GNB1: variants seen among roughly 807,000 people sequenced by gnomAD.
The protein encoded by GNB1 is G protein subunit beta 1.
Under a neutral mutation model 42.9 loss-of-function variants are expected in GNB1, and 2 were observed. The observed-to-expected ratio is 0.05, with a 90% CI of 0.02 to 0.15. GNB1 has a LOEUF of 0.15. Ranked by LOEUF, GNB1 falls within the 10% of genes least tolerant of loss-of-function variation. GNB1 has a pLI of 1.00. For missense variants in GNB1, 193 were observed against 462.2 expected, an observed-to-expected ratio of 0.42 and a Z score of 5.34; for synonymous variants, 183 against 174.7, an observed-to-expected ratio of 1.05 and a Z score of -0.38.
At chr1:1,884,398 G>C (rs1650031411) in intron 1 of GNB1, among the ~76,000 whole-genome samples, 1 of 152,068 alleles carries the variant, frequency 6.6e-6, no homozygotes, top group African/African-American at 2.4e-5. Context: ...TTTCAGTAGA[G>C]ACAGGGTTTC....
At chr1:1,853,144 T>C (rs1648083350) in intron 1 of GNB1, among the ~76,000 whole-genome samples, 2 of 152,152 alleles carry the variant, frequency 1.3e-5, no homozygotes, top group African/African-American at 4.8e-5. Flanking sequence ...AGCCTCTTGA[T>C]GGCTTACCAT....
chr1:1,876,793 T>C, intron 1 of GNB1, among the ~76,000 whole-genome samples: 1 of 152,124 alleles, frequency 6.6e-6, no homozygotes, highest in East Asian at 1.9e-4. Flanking sequence ...TGTCATTCAG[T>C]CCTCACAACA....
rs116790119 is a variant in GNB1, at chr1:1,863,692, T to G, written c.-95-24454A>C. ...TTGAGATCTTCTCCTTCCAAGGTTC[T>G]TTTAGTGAGCAAACACCCAAATTTC... is the stretch of plus-strand genomic sequence containing the variant. On this transcript the variant is annotated intron_variant, in intron 1 of 11. Transcript: ENST00000378609. 8.3e-3 allele frequency among the ~76,000 whole-genome samples: 1,265 copies of G among 152,338 alleles called. 22 individuals are homozygous for G. Among genetic ancestry groups the G allele is most frequent in the African/African-American group, 0.029 (1,216 of 41,572 alleles).
chr1:1,838,032 G>A lies in GNB1; in HGVS notation c.-47+1158C>T, dbSNP rs186580556. ...AGCCTGACCAACATGGTGAAACCCC[G>A]TCTCTACTAAAAATACAAAAATTAG... is the stretch of plus-strand genomic sequence containing the variant. On this transcript the variant is annotated intron_variant, in intron 2 of 11. Coordinates refer to ENST00000378609, the MANE Select transcript of GNB1 (RefSeq NM_002074.5). 2.1e-3 allele frequency among the ~76,000 whole-genome samples: 326 copies of A among 151,976 alleles called. 2 individuals carry two copies. Among genetic ancestry groups the A allele is most frequent in the African/African-American group, 7.5e-3 (312 of 41,512 alleles).
At chr1:1,840,717 C>T (rs1647219935) in intron 1 of GNB1, among the ~76,000 whole-genome samples, 1 of 152,246 alleles carries the variant, frequency 6.6e-6, no homozygotes, top group South Asian at 2.1e-4. Flanking sequence ...TCCAATCCCT[C>T]CCTCTGTCCC....
intron 1 of GNB1, among the ~76,000 whole-genome samples, chr1:1,887,938 A>AC (rs1650245751): frequency 1.3e-5 from 2 of 152,176 alleles, no homozygotes; most frequent in Non-Finnish European, 2.9e-5. Flanking sequence ...AAAACAAACA[A>AC]TAAAAAAACC....
At chr1:1,819,382 C>T (rs1031796327) in intron 3 of GNB1, among the ~76,000 whole-genome samples, 5 of 151,892 alleles carry the variant, frequency 3.3e-5, no homozygotes, top group South Asian at 2.1e-4. Context: ...GCCACCACAC[C>T]GGCTAATTTA....
At chr1:1,865,348 A>T (rs1648875937) in intron 1 of GNB1, among the ~76,000 whole-genome samples, 2 of 151,128 alleles carry the variant, frequency 1.3e-5, no homozygotes, top group South Asian at 4.2e-4. Context: ...GCACTCTGAG[A>T]GGCCGAGGAG....
intron 1 of GNB1, among the ~76,000 whole-genome samples, chr1:1,855,073 C>T (rs1044580449): frequency 2.0e-5 from 3 of 151,626 alleles, no homozygotes; most frequent in Non-Finnish European, 4.4e-5. Flanking sequence ...GCAGGAGAAT[C>T]GCTTGAACCC....
At chr1:1,825,226 A>G (rs954312193) in intron 3 of GNB1, 171 bp downstream of exon 3, 10 of 599,480 alleles carry the variant, frequency 1.7e-5, no homozygotes, top group Non-Finnish European at 2.7e-5. Context: ...CCCAAAAACA[A>G]TGTACTAGGC....
At chr1:1,851,577 T>G (rs751295750) in intron 1 of GNB1, among the ~76,000 whole-genome samples, 4 of 151,658 alleles carry the variant, frequency 2.6e-5, no homozygotes, top group Non-Finnish European at 5.9e-5. Flanking sequence ...TTAATTAAAT[T>G]TAATTTAAAA....
chr1:1,834,835 A>T (rs1471390356), intron 2 of GNB1, among the ~76,000 whole-genome samples: 1 of 151,982 alleles, frequency 6.6e-6, no homozygotes, highest in African/African-American at 2.4e-5. Flanking sequence ...TGCCCTGCTA[A>T]TTTTTTAAAT....
In GNB1 at chr1:1,785,687, C is replaced by T. The variant is rs1421688561; in HGVS notation, c.*1376G>A. ...TCTGTGTGTGATGGGAATGAGCCAC[C>T]TCAGATGTGGAGGGCCCTGAAGAAT... is the stretch of plus-strand genomic sequence containing the variant. On this transcript the variant is annotated 3_prime_UTR_variant, in exon 12 of 12. Transcript: ENST00000378609. 4 of 293,728 alleles carry T rather than the reference C, an allele frequency of 1.4e-5. No individual in the cohort carries two copies. Among genetic ancestry groups the T allele is most frequent in the African/African-American group, 8.6e-5 (4 of 46,566 alleles). 18.2% of individuals were successfully genotyped at this position (293,728 alleles called of 1,614,324 possible). A position where few individuals can be genotyped will look rare whatever the true frequency, so the allele number is the denominator to read the frequency against.
intron 1 of GNB1, among the ~76,000 whole-genome samples, chr1:1,875,302 A>T (rs934445428): frequency 6.6e-6 from 1 of 151,438 alleles, no homozygotes; most frequent in African/African-American, 2.4e-5. Flanking sequence ...AGTGATTCTC[A>T]TGCCTCAGTC....
At position 1,830,684 on chromosome 1, in the gene GNB1, A is replaced by C. The variant is rs746712219; in HGVS notation, c.-46-5185T>G. On this transcript the variant is annotated intron_variant, in intron 2 of 11. Transcript: ENST00000378609. The stretch of plus-strand genomic sequence containing the variant: ...TAGCCTCCAGAGTAGCCAGGACTAC[A>C]AGCAGACTCCACCCATCACACCCAG... Among the ~76,000 whole-genome samples the C allele has an allele frequency of 2.0e-5, 3 of 152,110 alleles. No homozygotes were observed. In the South Asian group the frequency reaches 6.2e-4, roughly 31 times the overall value.
In GNB1 at chr1:1,787,483, G is replaced by T. The variant is rs368894253; in HGVS notation, c.917-46C>A. Reference sequence around the variant, plus strand: ...AATCACACCAAAGCCCAGAGGCATCGATCTCACCTGTGTGCCATGTTGTGA... The same window carrying T: ...AATCACACCAAAGCCCAGAGGCATCTATCTCACCTGTGTGCCATGTTGTGA... On this transcript the variant is annotated intron_variant, in intron 10 of 11. Transcript: ENST00000378609. This position sits in a 1 kb window ranked among gnomAD's most constrained non-coding sequence, Gnocchi z 4.4. The T allele has an allele frequency of 8.8e-7, 1 of 1,132,680 alleles. No individual in the cohort carries two copies. Among genetic ancestry groups the T allele is most frequent in the South Asian group, 1.3e-5 (1 of 79,736 alleles). 70.2% of individuals were successfully genotyped at this position (1,132,680 alleles called of 1,614,324 possible).
chr1:1,877,144 T>C (rs1009873456), intron 1 of GNB1, among the ~76,000 whole-genome samples: 8 of 151,484 alleles, frequency 5.3e-5, no homozygotes, highest in African/African-American at 1.9e-4. Flanking sequence ...CTACTAAAAA[T>C]ACAAAATTAG....
intron 1 of GNB1, among the ~76,000 whole-genome samples, chr1:1,841,308 C>T (rs1367199631): frequency 6.6e-6 from 1 of 152,192 alleles, no homozygotes; most frequent in South Asian, 2.1e-4. Flanking sequence ...CCTGCCTCAG[C>T]CTCCTGAGTA....
intron 7 of GNB1, among the ~76,000 whole-genome samples, chr1:1,800,511 T>G (rs1646609181): frequency 6.6e-6 from 1 of 151,606 alleles, no homozygotes; most frequent in Admixed American, 6.6e-5. Context: ...TCTGAAGAAG[T>G]GGGAAAGTGA....
Sources: allele counts gnomAD v4.1 joint callset (sites outside exome capture counted in the v4.1 genomes callset), GRCh38; gene constraint gnomAD v4.1.1; non-coding constraint Gnocchi (gnomAD v3.1); transcripts MANE v1.5; gene names NCBI Gene and HGNC (gene_info 2026-07-23, HGNC 2026-07-21).